The following RASA2 variants were observed in gnomAD, a reference collection of about 807,000 sequenced individuals.
The protein encoded by RASA2 is ras GTPase-activating protein 2.
In RASA2, 155 loss-of-function variants were observed where a neutral mutation model predicts 118.2. The ratio of observed to expected loss-of-function variants is 1.31; its 90% CI spans 1.15 to 1.50. The LOEUF is 1.50. RASA2 is among the 40% of genes most tolerant of loss of function. The probability of loss-of-function intolerance (pLI) is 0.00; values close to 1 mark genes in which losing one functional copy is unlikely to be tolerated. For synonymous variants in RASA2, 353 were observed against 349.1 expected (o/e 1.01, Z -0.12); for missense variants, 1,016 against 1,009.6 (o/e 1.01, Z -0.09).
chr3:141,582,244 T>TA, intron 17 of RASA2, among the ~76,000 whole-genome samples: 1 of 152,240 alleles, frequency 6.6e-6, no homozygotes. Flanking sequence ...AATGATGATT[T>TA]AAAAAATTCA....
chr3:141,544,199 T>C (rs1340602468), intron 5 of RASA2, among the ~76,000 whole-genome samples: 1 of 152,174 alleles, frequency 6.6e-6, no homozygotes, highest in African/African-American at 2.4e-5. Context: ...CTATATGTTT[T>C]AGCTTGATTG....
chr3:141,602,083 A>C (rs925158568), intron 19 of RASA2, among the ~76,000 whole-genome samples: 5 of 152,216 alleles, frequency 3.3e-5, no homozygotes, highest in African/African-American at 1.2e-4. Context: ...TTGAAGTCTT[A>C]GGCTGCTAAA....
At chr3:141,570,873 C>A in intron 9 of RASA2, 39 bp from the exon 10 acceptor site, 1 of 1,555,854 alleles carries the variant, frequency 6.4e-7, no homozygotes, top group Non-Finnish European at 8.7e-7. Flanking sequence ...GGCTTGAATG[C>A]ATTTCCATCA....
intron 14 of RASA2, among the ~76,000 whole-genome samples, chr3:141,576,312 C>T (rs991428544): frequency 2.0e-5 from 3 of 152,130 alleles, no homozygotes; most frequent in South Asian, 2.1e-4. Flanking sequence ...ACAAATTAAA[C>T]GACTTGTTAA....
intron 3 of RASA2, among the ~76,000 whole-genome samples, chr3:141,529,497 C>T (rs2082228645): frequency 6.6e-6 from 1 of 152,022 alleles, no homozygotes; most frequent in African/African-American, 2.4e-5. Flanking sequence ...CAAAATGACC[C>T]AGACAAATGT....
chr3:141,517,450 A>G (rs1003368811), intron 3 of RASA2, among the ~76,000 whole-genome samples: 2 of 152,182 alleles, frequency 1.3e-5, no homozygotes, highest in African/African-American at 4.8e-5. Context: ...CATGGCTGGC[A>G]GGAGAGAGGA....
intron 1 of RASA2, among the ~76,000 whole-genome samples, chr3:141,510,800 G>A (rs1336898631): frequency 6.6e-6 from 1 of 152,196 alleles, no homozygotes; most frequent in African/African-American, 2.4e-5. Flanking sequence ...GGGAATGGAA[G>A]GAGAAGAGAT....
At chr3:141,569,660 CA>C (rs1473407693) in intron 9 of RASA2, among the ~76,000 whole-genome samples, 1 of 151,948 alleles carries the variant, frequency 6.6e-6, no homozygotes, top group Non-Finnish European at 1.5e-5. Context: ...ATTTTAGATT[CA>C]GGGGTATAGG....
chr3:141,598,823 G>A (rs1449120347), intron 19 of RASA2, among the ~76,000 whole-genome samples: 4 of 152,118 alleles, frequency 2.6e-5, no homozygotes, highest in African/African-American at 7.2e-5. Flanking sequence ...GGTGGTTCAC[G>A]CCTATAATCC....
At chr3:141,610,998 A>G (rs1577839014) in intron 23 of RASA2, among the ~76,000 whole-genome samples, 1 of 152,086 alleles carries the variant, frequency 6.6e-6, no homozygotes, top group South Asian at 2.1e-4. Context: ...TGGATACTGC[A>G]ATGGATAACA....
intron 2 of RASA2, among the ~76,000 whole-genome samples, chr3:141,515,121 T>C (rs372186058): frequency 2.0e-5 from 3 of 152,346 alleles, no homozygotes; most frequent in East Asian, 3.9e-4. Context: ...ATACTTTAAA[T>C]TGGATTTTTA....
chr3:141,533,768 A>ATTCT (rs2082290473), intron 4 of RASA2, among the ~76,000 whole-genome samples: 1 of 151,644 alleles, frequency 6.6e-6, no homozygotes, highest in African/African-American at 2.4e-5. Context: ...TTTTGGCTTG[A>ATTCT]TTCTACCTTT....
intron 19 of RASA2, among the ~76,000 whole-genome samples, chr3:141,604,531 ACTTGTTTCT>A (rs2107797462): frequency 1.3e-5 from 2 of 152,194 alleles, no homozygotes; most frequent in African/African-American, 4.8e-5. Context: ...GAATTTTAAT[ACTTGTTTCT>A]CTTGTTTCTT....
rs544667534 is a variant in RASA2, at chr3:141,600,414, C to T, written c.1934-7264C>T. 2.0e-4 allele frequency: 90 copies of T among 450,650 alleles called. 1 individual carries two copies. Among genetic ancestry groups the T allele is most frequent in the African/African-American group, 1.5e-3 (73 of 49,000 alleles). The allele number at this position is 450,650 out of a possible 1,614,324, so 27.9% of individuals were successfully genotyped here. ...TCAATGTTCAAGATGAGCCTCCAGG[C>T]GGACCTGCAGCCCCCGACCACATTC... On this transcript the variant is annotated intron_variant, in intron 19 of 23. Coordinates refer to ENST00000286364, the MANE Select transcript of RASA2 (RefSeq NM_006506.5).
At chr3:141,510,431 G>A (rs556961575) in intron 1 of RASA2, among the ~76,000 whole-genome samples, 1 of 152,266 alleles carries the variant, frequency 6.6e-6, no homozygotes, top group African/African-American at 2.4e-5. Context: ...ATGTTTCTCA[G>A]CTGTCTACCG....
chr3:141,603,453 C>A (rs2083497602), intron 19 of RASA2, among the ~76,000 whole-genome samples: 1 of 151,984 alleles, frequency 6.6e-6, no homozygotes, highest in South Asian at 2.1e-4. Context: ...CGCCTGTAAT[C>A]CCAGCTACTC....
At chr3:141,516,931 G>A (rs944376506) in intron 3 of RASA2, among the ~76,000 whole-genome samples, 8 of 152,018 alleles carry the variant, frequency 5.3e-5, no homozygotes, top group African/African-American at 1.9e-4. Flanking sequence ...GTGCCACCAC[G>A]CCTAGCCAAT....
At chr3:141,607,248 G>A (rs1028356479) in intron 19 of RASA2, among the ~76,000 whole-genome samples, 1 of 151,978 alleles carries the variant, frequency 6.6e-6, no homozygotes, top group Admixed American at 6.6e-5. Flanking sequence ...ATTTAGGTTA[G>A]AAAAATATAA....
chr3:141,589,841 CAAAAAAAAAAG>C (rs1209759560), intron 19 of RASA2, among the ~76,000 whole-genome samples: 2 of 127,088 alleles, frequency 1.6e-5, no homozygotes, highest in South Asian at 2.5e-4. Flanking sequence ...GCTCTGTCTC[CAAAAAAAAAAG>C]AAAAAAAAAA....
Sources: gnomAD v4.1 joint callset for allele counts (sites outside exome capture counted in the v4.1 genomes callset) on GRCh38, gnomAD v4.1.1 for gene constraint, MANE v1.5 for transcripts, NCBI Gene and HGNC (gene_info 2026-07-23, HGNC 2026-07-21) for gene names.